Variants in SNX29 observed in about 807,000 individuals in gnomAD.
SNX29 encodes sorting nexin 29, also known as sorting nexin-29.
Under a neutral mutation model 102.1 loss-of-function variants are expected in SNX29, and 78 were observed. That is an observed-to-expected ratio of 0.76 (90% CI 0.64 to 0.92). SNX29 has a LOEUF of 0.92. Ranked by LOEUF, SNX29 falls within the 40% of genes least tolerant of loss-of-function variation. The pLI is 0.00. For missense variants in SNX29, 1,280 were observed against 1,061.7 expected (o/e 1.21, Z -2.86); for synonymous variants, 580 against 414.5 (o/e 1.40, Z -4.85).
chr16:12,240,850 C>T (rs541419634), intron 14 of SNX29, among the ~76,000 whole-genome samples: 28 of 152,200 alleles, frequency 1.8e-4, no homozygotes, highest in African/African-American at 6.7e-4. Flanking sequence ...AAGTGATCCA[C>T]CCACCTTGGC....
chr16:12,331,700 C>T (rs1003125692), intron 15 of SNX29, among the ~76,000 whole-genome samples: 2 of 152,030 alleles, frequency 1.3e-5, no homozygotes, highest in Non-Finnish European at 2.9e-5. Context: ...TACAGGCGCC[C>T]GCCTCCACAC....
chr16:12,008,778 G>A (rs555935521), intron 3 of SNX29, among the ~76,000 whole-genome samples: 3 of 143,290 alleles, frequency 2.1e-5, no homozygotes, highest in African/African-American at 7.9e-5. Flanking sequence ...GCCTTGCTCT[G>A]TCGCACAGGC....
chr16:12,059,357 C>T (rs889816021), intron 8 of SNX29, among the ~76,000 whole-genome samples: 1 of 152,212 alleles, frequency 6.6e-6, no homozygotes, highest in Non-Finnish European at 1.5e-5. Flanking sequence ...CAGGAGGGCG[C>T]CTCTTGACAG....
Position 12,568,779 on chromosome 16 carries a change from A to C in SNX29, c.*150A>C, listed in dbSNP as rs111875148. The C allele has an allele frequency of 3.2e-4, 396 of 1,225,164 alleles. 3 individuals are homozygous for C. The African/African-American group carries it at 5.4e-3, about 17-fold the overall frequency. 75.9% of individuals were successfully genotyped at this position (1,225,164 alleles called of 1,614,324 possible). ...TTCCCAACAGTTACACAACACCCCG[A>C]TTAAACTAATCAGTCTTCGAGCCGC... On this transcript the variant is annotated 3_prime_UTR_variant, in exon 21 of 21. Coordinates refer to ENST00000566228, the MANE Select transcript of SNX29 (RefSeq NM_032167.5).
At chr16:12,381,310 T>C (rs1317624004) in intron 16 of SNX29, among the ~76,000 whole-genome samples, 8 of 50,904 alleles carry the variant, frequency 1.6e-4, no homozygotes, top group Non-Finnish European at 2.2e-4. Flanking sequence ...ATTATCCATC[T>C]ACCCACCCAC....
At chr16:12,495,098 C>G (rs1031834234) in intron 19 of SNX29, among the ~76,000 whole-genome samples, 2 of 152,222 alleles carry the variant, frequency 1.3e-5, no homozygotes, top group African/African-American at 4.8e-5. Flanking sequence ...TTAGGATACT[C>G]CATCCCTCAC....
At chr16:12,150,934 G>T (rs548390555) in intron 13 of SNX29, among the ~76,000 whole-genome samples, 19 of 152,326 alleles carry the variant, frequency 1.2e-4, no homozygotes, top group Admixed American at 7.2e-4. Flanking sequence ...AAAGTTCATG[G>T]TTACTGGGGA....
At chr16:12,351,576 G>A (rs928843540) in intron 15 of SNX29, among the ~76,000 whole-genome samples, 17 of 152,188 alleles carry the variant, frequency 1.1e-4, no homozygotes, top group African/African-American at 4.1e-4. Flanking sequence ...AAATGCCAGA[G>A]GCGTTTTTGA....
chr16:12,564,890 G>A (rs1261529322), intron 20 of SNX29, among the ~76,000 whole-genome samples: 2 of 150,750 alleles, frequency 1.3e-5, no homozygotes, highest in Non-Finnish European at 2.9e-5. Context: ...AGGATCCTGT[G>A]GGGAGGAGGC....
chr16:12,445,941 A>G (rs113458537), intron 18 of SNX29, among the ~76,000 whole-genome samples: 60 of 151,904 alleles, frequency 3.9e-4, no homozygotes, highest in African/African-American at 1.4e-3. Context: ...GTGAAAAGGG[A>G]GTGCATTCAA....
chr16:12,555,112 CAG>C (rs947314150), intron 20 of SNX29, among the ~76,000 whole-genome samples: 14 of 126,498 alleles, frequency 1.1e-4, no homozygotes, highest in East Asian at 5.9e-4. Context: ...GGGACAATCT[CAG>C]AGTATCAAAA....
At chr16:12,144,967 C>T (rs915706898) in intron 13 of SNX29, among the ~76,000 whole-genome samples, 9 of 152,288 alleles carry the variant, frequency 5.9e-5, no homozygotes, top group African/African-American at 7.2e-5. Flanking sequence ...GTGATCCGCC[C>T]GCCTCGGCCT....
chr16:12,413,253 CAG>C (rs2084481069), intron 18 of SNX29, among the ~76,000 whole-genome samples: 1 of 152,126 alleles, frequency 6.6e-6, no homozygotes, highest in African/African-American at 2.4e-5. Context: ...GAGATAAAAA[CAG>C]TGAAGGGCAT....
chr16:12,017,329 A>C (rs1432724111), intron 3 of SNX29, among the ~76,000 whole-genome samples: 3 of 152,012 alleles, frequency 2.0e-5, no homozygotes, highest in Admixed American at 6.6e-5. Flanking sequence ...CTTTTCTTAT[A>C]TTTATTGGCC....
At chr16:12,542,564 T>A (rs574670785) in intron 20 of SNX29, among the ~76,000 whole-genome samples, 2 of 152,204 alleles carry the variant, frequency 1.3e-5, no homozygotes, top group Admixed American at 1.3e-4. Context: ...ACTCCTGACC[T>A]CAAGTGATCC....
At chr16:12,024,320 T>A (rs567040269) in intron 3 of SNX29, among the ~76,000 whole-genome samples, 4 of 150,010 alleles carry the variant, frequency 2.7e-5, no homozygotes, top group South Asian at 2.1e-4. Context: ...ATATATATAT[T>A]TTTTTAGTAG....
At chr16:12,407,365 C>G (rs2151528935) in intron 18 of SNX29, among the ~76,000 whole-genome samples, 1 of 151,004 alleles carries the variant, frequency 6.6e-6, no homozygotes, top group South Asian at 2.1e-4. Flanking sequence ...ACATTTGCCT[C>G]CTAGTTATGT....
intron 14 of SNX29, among the ~76,000 whole-genome samples, chr16:12,250,070 C>T (rs2078376834): frequency 1.3e-5 from 2 of 152,144 alleles, no homozygotes; most frequent in Admixed American, 1.3e-4. Flanking sequence ...GAGCCCATCA[C>T]CAGGACTGTG....
At chr16:12,302,017 G>C (rs1243441763) in intron 15 of SNX29, among the ~76,000 whole-genome samples, 1 of 152,164 alleles carries the variant, frequency 6.6e-6, no homozygotes, top group Admixed American at 6.5e-5. Context: ...TAATTACTTA[G>C]AATCTGGTTC....
Sources: gnomAD v4.1 joint callset for allele counts (sites outside exome capture counted in the v4.1 genomes callset) on GRCh38, gnomAD v4.1.1 for gene constraint, MANE v1.5 for transcripts, NCBI Gene and HGNC (gene_info 2026-07-23, HGNC 2026-07-21) for gene names.